PVALB: variants seen among roughly 807,000 people sequenced by gnomAD.
PVALB encodes parvalbumin.
In PVALB, 11 loss-of-function variants were observed where a neutral mutation model predicts 10.9. The observed-to-expected ratio is 1.01, with a 90% CI of 0.63 to 1.67. The LOEUF (loss-of-function observed/expected upper bound fraction) is 1.67, where lower values mean the gene tolerates loss of function less well. Among genes scored for constraint, PVALB ranks in the 40% most tolerant of loss-of-function variants. The pLI is 0.00. For synonymous variants in PVALB, 57 were observed against 50.7 expected, an observed-to-expected ratio of 1.12 and a Z score of -0.53; for missense variants, 131 against 136.2, an observed-to-expected ratio of 0.96 and a Z score of 0.19.
At chr22:36,814,470 C>T (rs1211744004) in intron 2 of PVALB, among the ~76,000 whole-genome samples, 2 of 152,082 alleles carry the variant, frequency 1.3e-5, no homozygotes, top group African/African-American at 4.8e-5. Context: ...TGACAAAACT[C>T]AAGGCTTTCT....
intron 3 of PVALB, among the ~76,000 whole-genome samples, chr22:36,808,709 G>T (rs530418632): frequency 6.6e-6 from 1 of 152,208 alleles, no homozygotes; most frequent in African/African-American, 2.4e-5. Flanking sequence ...GCTGACACCC[G>T]CTCCCAGCTG....
chr22:36,817,087 G>T, upstream of PVALB: 2 of 1,301,882 alleles, frequency 1.5e-6, no homozygotes, highest in Non-Finnish European at 2.1e-6. Flanking sequence ...TATGACCAGC[G>T]CTGCAGTGCT....
intron 3 of PVALB, among the ~76,000 whole-genome samples, chr22:36,811,787 TG>T (rs1243514267): frequency 4.6e-5 from 7 of 151,950 alleles, no homozygotes; most frequent in Non-Finnish European, 1.0e-4. Flanking sequence ...AGCAGATTGG[TG>T]GGGATGGGGG....
At position 36,802,398 on chromosome 22, in the gene PVALB, C is replaced by A. The variant is rs1042139317; in HGVS notation, c.305-1480G>T. Among the ~76,000 whole-genome samples, 4 of 151,778 alleles carry A rather than the reference C, an allele frequency of 2.6e-5. No homozygotes were observed. The South Asian group carries it at 8.3e-4, about 32-fold the overall frequency. Reference sequence around the variant, plus strand: ...TGGGCGGATCACGAGGTCAAGAGATCGAGACTATCCTGGCCAACACGGTGA... The same window carrying A: ...TGGGCGGATCACGAGGTCAAGAGATAGAGACTATCCTGGCCAACACGGTGA... On this transcript the variant is annotated intron_variant, in intron 3 of 3. Transcript: ENST00000417718.
At chr22:36,813,618 G>A in intron 3 of PVALB, 28 bp downstream of exon 3, 2 of 1,554,504 alleles carry the variant, frequency 1.3e-6, no homozygotes, top group Non-Finnish European at 1.8e-6. Flanking sequence ...TCCACAATAT[G>A]CCCAGACCCC....
rs536504370 is a variant in PVALB, at chr22:36,806,001, T to C, written c.305-5083A>G. On this transcript the variant is annotated intron_variant, in intron 3 of 3. Coordinates refer to ENST00000417718, the MANE Select transcript of PVALB (RefSeq NM_001315532.2). ...GCAACTTAGTTCCTGATCCTCAGTTTCCTCATCTATAAAATGGGGATACTG... is the reference window on the plus strand; with the variant it reads ...GCAACTTAGTTCCTGATCCTCAGTTCCCTCATCTATAAAATGGGGATACTG... Among the ~76,000 whole-genome samples the C allele has an allele frequency of 1.2e-4, 19 of 152,268 alleles. No homozygotes were observed. The South Asian group carries it at 1.7e-3, about 13-fold the overall frequency.
intron 3 of PVALB, among the ~76,000 whole-genome samples, chr22:36,802,643 C>T (rs1289060076): frequency 2.0e-5 from 3 of 150,404 alleles, no homozygotes; most frequent in Non-Finnish European, 4.4e-5. Flanking sequence ...AACAACCTGG[C>T]ACTGGCCCTG....
intron 3 of PVALB, among the ~76,000 whole-genome samples, chr22:36,811,136 G>C (rs10775741): frequency 0.51 from 76,872 of 151,932 alleles, 21,219 homozygotes; most frequent in African/African-American, 0.73. Flanking sequence ...ATTAGCTGGG[G>C]ATGGTGGTGC....
intron 3 of PVALB, among the ~76,000 whole-genome samples, chr22:36,811,312 G>T (rs945986898): frequency 8.4e-6 from 1 of 119,176 alleles, no homozygotes; most frequent in Admixed American, 8.4e-5. Flanking sequence ...AATAAATAAG[G>T]CATTGCAGTG....
chr22:36,819,172 G>T (rs147586056), upstream of PVALB, among the ~76,000 whole-genome samples: 1 of 152,092 alleles, frequency 6.6e-6, no homozygotes. Context: ...CAGCCCTCTC[G>T]TTCTAAGGCT....
rs377350741 is a variant in PVALB at position 36,813,741 on chromosome 22, C to G, written c.209G>C (p.Gly70Ala). Residue 70 changes from glycine (G) to alanine (A), a missense_variant, in exon 3 of 4, where the codon GGC becomes GCC. Transcript: ENST00000417718. ...EEDELGFILK[G>A]FSPDARDLSA... ...CAGGTCTCTGGCATCTGGGGAGAAG[C>G]CTTTTAGGATGAATCTGGAGGAGAA... 114 of 1,612,940 alleles carry G rather than the reference C, an allele frequency of 7.1e-5. No homozygotes were observed. Among genetic ancestry groups the G allele is most frequent in the Non-Finnish European group, 8.2e-5 (97 of 1,179,108 alleles).
At position 36,815,127 on chromosome 22, in the gene PVALB, C is replaced by A; in HGVS notation, c.170G>T (p.Gly57Val). The A allele has an allele frequency of 6.2e-7, 1 of 1,614,176 alleles. No individual in the cohort carries two copies. The highest frequency in any genetic ancestry group is 8.5e-7 in the Non-Finnish European group (1 of 1,180,030). ...VFHMLDKDKSGFIEEDELGFI... is the reference protein window; with the variant it reads ...VFHMLDKDKSVFIEEDELGFI... ...CCCCAGCTCATCCTCCTCGATGAAG[C>A]CACTTTTGTCCTTGTCCAGCATGTG... The change falls in exon 2 of 4, where the codon GGC becomes GTC. Residue 57 changes from glycine to valine, a missense_variant. Coordinates refer to ENST00000417718, the MANE Select transcript of PVALB (RefSeq NM_001315532.2).
chr22:36,802,351 C>A (rs530883402), intron 3 of PVALB, among the ~76,000 whole-genome samples: 1 of 151,420 alleles, frequency 6.6e-6, no homozygotes, highest in African/African-American at 2.4e-5. Flanking sequence ...TCCTGTAATC[C>A]CAGCACTTTG....
intron 3 of PVALB, among the ~76,000 whole-genome samples, chr22:36,809,021 T>A (rs1388084419): frequency 6.6e-6 from 1 of 152,178 alleles, no homozygotes; most frequent in Admixed American, 6.5e-5. Context: ...TAGAACTTTG[T>A]CTTCCTACCC....
chr22:36,816,856 A>T, intron 1 of PVALB, 89 bp downstream of exon 1: 1 of 1,182,766 alleles, frequency 8.5e-7, no homozygotes, highest in South Asian at 1.4e-5. Flanking sequence ...CGCGCTGGGG[A>T]GGATCCGCCG....
intron 1 of PVALB, among the ~76,000 whole-genome samples, chr22:36,815,855 T>C (rs1349433002): frequency 1.3e-5 from 2 of 151,832 alleles, no homozygotes; most frequent in Non-Finnish European, 2.9e-5. Flanking sequence ...TCTTCCCACA[T>C]GGGCTTGAGG....
chr22:36,805,516 T>A (rs1470708325), intron 3 of PVALB, among the ~76,000 whole-genome samples: 1 of 152,206 alleles, frequency 6.6e-6, no homozygotes, highest in East Asian at 1.9e-4. Flanking sequence ...CCATTGTTTG[T>A]CTCCATGATC....
At chr22:36,811,965 T>A (rs929460542) in intron 3 of PVALB, among the ~76,000 whole-genome samples, 2 of 152,108 alleles carry the variant, frequency 1.3e-5, no homozygotes, top group African/African-American at 4.8e-5. Context: ...TTGACCTGGA[T>A]AGGGATTCTC....
chr22:36,813,817 T>C, intron 2 of PVALB, 62 bp from the exon 3 acceptor site: 1 of 1,262,770 alleles, frequency 7.9e-7, no homozygotes, highest in Non-Finnish European at 1.2e-6. Context: ...TGCAGGACGC[T>C]GGATGGAGGG....
Sources: gnomAD v4.1 joint callset for allele counts (sites outside exome capture counted in the v4.1 genomes callset) on GRCh38, gnomAD v4.1.1 for gene constraint, MANE v1.5 for transcripts, NCBI Gene and HGNC (gene_info 2026-07-23, HGNC 2026-07-21) for gene names.